The following PTPRT variants were observed in gnomAD, a reference collection of about 807,000 sequenced individuals.
PTPRT encodes the protein protein tyrosine phosphatase receptor type T, also known as receptor-type tyrosine-protein phosphatase T.
A neutral mutation model predicts 176.8 loss-of-function variants in PTPRT; 56 were observed. The ratio of observed to expected loss-of-function variants is 0.32; its 90% confidence interval spans 0.26 to 0.40. PTPRT has a LOEUF of 0.40. PTPRT is among the 10% of genes least tolerant of loss of function. The pLI is 1.00. For synonymous variants in PTPRT, 783 were observed against 739.0 expected, an observed-to-expected ratio of 1.06 and a Z score of -0.96; for missense variants, 1,540 against 1,908.2, an observed-to-expected ratio of 0.81 and a Z score of 3.60.
intron 22 of PTPRT, among the ~76,000 whole-genome samples, chr20:42,114,543 A>G (rs1055999482): frequency 6.6e-6 from 1 of 152,068 alleles, no homozygotes; most frequent in Non-Finnish European, 1.5e-5. Flanking sequence ...GCATTTCTCA[A>G]CCTCGACACT....
At chr20:42,182,296 A>T (rs1275928854) in intron 16 of PTPRT, among the ~76,000 whole-genome samples, 2 of 152,224 alleles carry the variant, frequency 1.3e-5, no homozygotes, top group Non-Finnish European at 2.9e-5. Context: ...AAATTGAAGA[A>T]CACGCTAGGC....
At chr20:43,088,358 G>C (rs1262531209) in intron 1 of PTPRT, among the ~76,000 whole-genome samples, 1 of 150,454 alleles carries the variant, frequency 6.6e-6, no homozygotes, top group Admixed American at 6.6e-5. Flanking sequence ...GTGTGTGTGT[G>C]TGTGTGTGTG....
intron 15 of PTPRT, among the ~76,000 whole-genome samples, chr20:42,223,493 A>T (rs532280054): frequency 6.6e-6 from 1 of 152,288 alleles, no homozygotes; most frequent in South Asian, 2.1e-4. Flanking sequence ...CTAAGGCAAA[A>T]GCACTGTTTA....
At chr20:42,443,632 G>C (rs905669052) in intron 9 of PTPRT, among the ~76,000 whole-genome samples, 1 of 152,192 alleles carries the variant, frequency 6.6e-6, no homozygotes, top group Non-Finnish European at 1.5e-5. Context: ...GAGAGTTTGA[G>C]GCTGCTGCAG....
At chr20:43,073,480 T>TATAC (rs1555827366) in intron 1 of PTPRT, among the ~76,000 whole-genome samples, 180 of 149,698 alleles carry the variant, frequency 1.2e-3, no homozygotes, top group South Asian at 6.0e-3. Context: ...TATATATATA[T>TATAC]ACACACACAC....
At chr20:42,992,877 T>C (rs953077428) in intron 1 of PTPRT, among the ~76,000 whole-genome samples, 3 of 152,208 alleles carry the variant, frequency 2.0e-5, no homozygotes, top group African/African-American at 7.2e-5. Flanking sequence ...TGGTCTTTCA[T>C]GTGGACTAGT....
chr20:42,127,298 C>T (rs529529641), intron 19 of PTPRT, among the ~76,000 whole-genome samples: 1 of 152,284 alleles, frequency 6.6e-6, no homozygotes, highest in African/African-American at 2.4e-5. Flanking sequence ...AGACAGGGTA[C>T]AGCCACTGCT....
chr20:43,009,243 C>T (rs1985002418), intron 1 of PTPRT, among the ~76,000 whole-genome samples: 1 of 152,218 alleles, frequency 6.6e-6, no homozygotes, highest in Admixed American at 6.5e-5. Context: ...TATTTCATCT[C>T]TCAATCCATC....
At position 42,167,311 on chromosome 20, in the gene PTPRT, C is replaced by T. The variant is rs567865096; in HGVS notation, c.2492-5769G>A. Among the ~76,000 whole-genome samples, 46 of 152,268 alleles carry T rather than the reference C, an allele frequency of 3.0e-4. 2 individuals are homozygous for T. The South Asian group carries it at 9.1e-3, about 30-fold the overall frequency. On this transcript the variant is annotated intron_variant, in intron 16 of 30. Coordinates refer to ENST00000373187, the MANE Select transcript of PTPRT (RefSeq NM_007050.6). ...CCTCTCTGCTTTCCTTTATGACACA[C>T]CCCAAAGCCATCTATTTTACTCCAT...
intron 7 of PTPRT, among the ~76,000 whole-genome samples, chr20:42,646,965 G>A (rs1371612341): frequency 1.4e-5 from 2 of 143,140 alleles, no homozygotes; most frequent in Non-Finnish European, 3.0e-5. Flanking sequence ...CGTGAACGTG[G>A]TTCACTGCAG....
intron 1 of PTPRT, among the ~76,000 whole-genome samples, chr20:42,958,412 AGAAGGGAGGAAAGGAG>A (rs1981792380): frequency 4.0e-5 from 3 of 74,324 alleles, no homozygotes; most frequent in Admixed American, 1.6e-4. Flanking sequence ...GGGAAAGGGA[AGAAGGGAGGAAAGGAG>A]GAAGGGAGGA....
rs1568638865 is a variant in PTPRT at position 42,169,793 on chromosome 20, A to ACACACACACACACACAC, written c.2492-8252_2492-8251insGTGTGTGTGTGTGTGTG. Among the ~76,000 whole-genome samples, 82 of 67,132 alleles carry ACACACACACACACACAC rather than the reference A, an allele frequency of 1.2e-3. 3 individuals carry two copies. Among genetic ancestry groups the ACACACACACACACACAC allele is most frequent in the Non-Finnish European group, 2.0e-3 (65 of 32,488 alleles). 44.0% of individuals were successfully genotyped at this position (67,132 alleles called of 152,430 possible). On this transcript the variant is annotated intron_variant, in intron 16 of 30. Coordinates refer to ENST00000373187, the MANE Select transcript of PTPRT (RefSeq NM_007050.6). Reference sequence around the variant, plus strand: ...ACACACACACACACACACACACACAACAGTCAGTATTGACTGTTGACCCAA... The same window carrying ACACACACACACACACAC: ...ACACACACACACACACACACACACAACACACACACACACACACCAGTCAGTATTGACTGTTGACCCAA...
At chr20:42,945,546 T>C (rs1431078297) in intron 1 of PTPRT, among the ~76,000 whole-genome samples, 1 of 152,184 alleles carries the variant, frequency 6.6e-6, no homozygotes, top group African/African-American at 2.4e-5. Context: ...CTGCTTCCAG[T>C]GTCCAACAGG....
chr20:42,885,843 A>G lies in PTPRT; in HGVS notation c.178T>C (p.Trp60Arg), dbSNP rs954347749. ...NGFTWEQINTWEKPMLDQAVP... is the reference protein window; with the variant it reads ...NGFTWEQINTREKPMLDQAVP... ...GCCTGGTCCAGCATTGGTTTCTCCC[A>G]TGTGTTAATCTGCTCCCAGGTGAAC... is the stretch of plus-strand genomic sequence containing the variant. Residue 60 changes from tryptophan to arginine, a missense_variant, in exon 2 of 31, where the codon TGG (tryptophan) becomes CGG (arginine). Physicochemically the swap from Trp to Arg is moderately radical, Grantham distance 101. This residue lies in a region of PTPRT where 116 missense variants were observed against 118.5 expected (regional missense o/e 0.98). Coordinates refer to ENST00000373187, the MANE Select transcript of PTPRT (RefSeq NM_007050.6). The G allele has an allele frequency of 6.2e-7, 1 of 1,609,770 alleles. No individual in the cohort carries two copies. Among genetic ancestry groups the G allele is most frequent in the South Asian group, 1.1e-5 (1 of 90,986 alleles).
At chr20:43,172,842 C>A (rs138919030) in intron 1 of PTPRT, among the ~76,000 whole-genome samples, 28 of 151,976 alleles carry the variant, frequency 1.8e-4, no homozygotes, top group Non-Finnish European at 3.5e-4. Context: ...TAACTTGAGC[C>A]CACAGTCTGA....
chr20:42,720,569 G>A (rs1268983136), intron 6 of PTPRT, among the ~76,000 whole-genome samples: 1 of 152,174 alleles, frequency 6.6e-6, no homozygotes, highest in African/African-American at 2.4e-5. Context: ...GAATATATGT[G>A]TCCACAGCTC....
intron 27 of PTPRT, among the ~76,000 whole-genome samples, chr20:42,097,114 T>C (rs1032839075): frequency 2.0e-5 from 3 of 152,162 alleles, no homozygotes; most frequent in Admixed American, 6.5e-5. Flanking sequence ...ATTTCATACA[T>C]TGGGCTTGCA....
chr20:43,150,980 G>A lies in PTPRT; in HGVS notation c.88+38666C>T, dbSNP rs145037918. On this transcript the variant is annotated intron_variant, in intron 1 of 30. Coordinates refer to ENST00000373187, the MANE Select transcript of PTPRT (RefSeq NM_007050.6). ...ACTCCATCTAAATATTCAAGAATAT[G>A]TATCTAATCTTAGCACTTCAGTGTG... 2.1e-3 allele frequency among the ~76,000 whole-genome samples: 320 copies of A among 152,222 alleles called. 2 individuals carry two copies. Among genetic ancestry groups the A allele is most frequent in the Non-Finnish European group, 3.2e-3 (216 of 68,008 alleles).
intron 1 of PTPRT, among the ~76,000 whole-genome samples, chr20:43,156,328 G>A (rs917833981): frequency 3.3e-5 from 5 of 152,158 alleles, no homozygotes; most frequent in African/African-American, 9.7e-5. Flanking sequence ...TTTTACAGAT[G>A]AGAAAACTGA....
Sources: allele counts gnomAD v4.1 joint callset (sites outside exome capture counted in the v4.1 genomes callset), GRCh38; gene constraint gnomAD v4.1.1; regional missense constraint gnomAD v4.1.1; transcripts MANE v1.5; gene names NCBI Gene and HGNC (gene_info 2026-07-23, HGNC 2026-07-21).